Variants in WDR70 observed in about 807,000 individuals in gnomAD.
The protein encoded by WDR70 is WD repeat-containing protein 70.
WDR70 carries 53 observed loss-of-function variants against 88.6 expected under a neutral mutation model. The observed-to-expected ratio is 0.60, with a 90% CI of 0.48 to 0.75. The LOEUF is 0.75. WDR70 is among the 30% of genes least tolerant of loss of function. The probability of loss-of-function intolerance (pLI) is 0.00; values close to 1 mark genes in which losing one functional copy is unlikely to be tolerated. For synonymous variants in WDR70, 280 were observed against 270.0 expected (o/e 1.04, Z -0.36); for missense variants, 610 against 823.2 (o/e 0.74, Z 3.17).
intron 7 of WDR70, among the ~76,000 whole-genome samples, chr5:37,444,890 C>A (rs1424325478): frequency 6.6e-6 from 1 of 152,096 alleles, no homozygotes; most frequent in Admixed American, 6.6e-5. Context: ...CTAGAGATCC[C>A]TCACATGCGC....
rs990467989 is a variant in WDR70 at position 37,724,970 on chromosome 5, G to T, written c.1634G>T (p.Arg545Leu). The change falls in exon 16 of 18, where the codon CGG becomes CTG. Residue 545 changes from arginine (R) to leucine (L), a missense_variant. Arg to Leu is a moderately radical substitution (Grantham distance 102). Transcript: ENST00000265107. Reference sequence around the variant, plus strand: ...CCTATGTTCCGTGAGCCCCGCCAACGGAGTACAAGGAAACAGCTGGAGAAG... The same window carrying T: ...CCTATGTTCCGTGAGCCCCGCCAACTGAGTACAAGGAAACAGCTGGAGAAG... ...ALPMFREPRQ[R>L]STRKQLEKDR... is the part of the protein sequence containing the mutation. 6.2e-7 allele frequency: 1 copy of T among 1,613,618 alleles called. No individual in the cohort carries two copies. Among genetic ancestry groups the T allele is most frequent in the East Asian group, 2.2e-5 (1 of 44,858 alleles).
intron 5 of WDR70, among the ~76,000 whole-genome samples, chr5:37,409,346 T>G (rs1749451477): frequency 6.6e-6 from 1 of 152,130 alleles, no homozygotes; most frequent in Non-Finnish European, 1.5e-5. Flanking sequence ...AAGGGAAGAT[T>G]CCAAAAAACT....
At chr5:37,564,403 T>C (rs1474587161) in intron 9 of WDR70, among the ~76,000 whole-genome samples, 2 of 152,114 alleles carry the variant, frequency 1.3e-5, no homozygotes, top group African/African-American at 4.8e-5. Context: ...GGCTTGCGCC[T>C]GCAATCGCAG....
chr5:37,386,520 G>A (rs1748621888), intron 3 of WDR70, among the ~76,000 whole-genome samples: 1 of 152,028 alleles, frequency 6.6e-6, no homozygotes, highest in Non-Finnish European at 1.5e-5. Flanking sequence ...TAGAGACAGG[G>A]TTTCACCATG....
intron 5 of WDR70, among the ~76,000 whole-genome samples, chr5:37,397,415 GC>G (rs1016180867): frequency 8.0e-5 from 12 of 150,564 alleles, no homozygotes; most frequent in Non-Finnish European, 1.6e-4. Context: ...GTTGCAGTGA[GC>G]TGAGATTGTG....
At chr5:37,396,908 C>T (rs769932485) in intron 5 of WDR70, among the ~76,000 whole-genome samples, 6 of 152,152 alleles carry the variant, frequency 3.9e-5, no homozygotes, top group Non-Finnish European at 8.8e-5. Context: ...TTTGGGAGGC[C>T]GAGGTGGACG....
intron 8 of WDR70, among the ~76,000 whole-genome samples, chr5:37,503,009 A>G (rs1214129925): frequency 6.6e-6 from 1 of 152,128 alleles, no homozygotes; most frequent in African/African-American, 2.4e-5. Flanking sequence ...TATATCACAT[A>G]TATTGAACCA....
intron 11 of WDR70, 91 bp from the exon 12 acceptor site, chr5:37,700,967 T>C: frequency 2.7e-6 from 2 of 748,136 alleles, no homozygotes; most frequent in Non-Finnish European, 4.7e-6. Context: ...TTTACAGTTA[T>C]ACATTAAGTT....
chr5:37,686,542 C>G (rs1350289565), intron 10 of WDR70, among the ~76,000 whole-genome samples: 1 of 150,236 alleles, frequency 6.7e-6, no homozygotes, highest in Non-Finnish European at 1.5e-5. Context: ...AGCTGGGCAA[C>G]AAACTGAGAC....
At chr5:37,633,691 C>T (rs1744880697) in intron 10 of WDR70, among the ~76,000 whole-genome samples, 1 of 152,046 alleles carries the variant, frequency 6.6e-6, no homozygotes, top group Non-Finnish European at 1.5e-5. Flanking sequence ...ATATTTTAGA[C>T]ATTTCACTGA....
chr5:37,580,291 T>C (rs1280933860), intron 9 of WDR70, among the ~76,000 whole-genome samples: 1 of 152,228 alleles, frequency 6.6e-6, no homozygotes, highest in African/African-American at 2.4e-5. Flanking sequence ...TTCCTTTGTC[T>C]TTGGCCAACA....
intron 10 of WDR70, among the ~76,000 whole-genome samples, chr5:37,665,425 G>A (rs1331854763): frequency 6.6e-6 from 1 of 152,070 alleles, no homozygotes; most frequent in African/African-American, 2.4e-5. Context: ...ACAGCACATT[G>A]GTAATGTTTA....
intron 9 of WDR70, among the ~76,000 whole-genome samples, chr5:37,565,994 C>T (rs1388033234): frequency 6.6e-6 from 1 of 151,960 alleles, no homozygotes; most frequent in East Asian, 1.9e-4. Context: ...TAAAATTTAC[C>T]CTTTCAAGTA....
intron 10 of WDR70, among the ~76,000 whole-genome samples, chr5:37,645,139 G>T (rs1407657191): frequency 6.7e-6 from 1 of 149,284 alleles, no homozygotes; most frequent in African/African-American, 2.5e-5. Flanking sequence ...TGGTACTGCT[G>T]TTGCTGTATC....
At chr5:37,742,479 G>A (rs1748514660) in intron 17 of WDR70, among the ~76,000 whole-genome samples, 1 of 151,770 alleles carries the variant, frequency 6.6e-6, no homozygotes, top group South Asian at 2.1e-4. Flanking sequence ...ATATATTCTG[G>A]ATATTAATCC....
intron 10 of WDR70, among the ~76,000 whole-genome samples, chr5:37,617,840 A>T (rs1744388297): frequency 6.6e-6 from 1 of 152,220 alleles, no homozygotes; most frequent in Admixed American, 6.5e-5. Flanking sequence ...TGAAACATAT[A>T]CACTGCCTAG....
At chr5:37,422,847 G>C (rs1287633907) in intron 5 of WDR70, among the ~76,000 whole-genome samples, 1 of 151,696 alleles carries the variant, frequency 6.6e-6, no homozygotes, top group East Asian at 1.9e-4. Context: ...GGCTGGTCTC[G>C]AACTCCTGAG....
chr5:37,670,769 A>G (rs1164009774), intron 10 of WDR70, among the ~76,000 whole-genome samples: 1 of 152,224 alleles, frequency 6.6e-6, no homozygotes, highest in Non-Finnish European at 1.5e-5. Context: ...GAATGTCACA[A>G]AATCTATTAG....
chr5:37,609,456 A>G (rs1035923052), intron 10 of WDR70, among the ~76,000 whole-genome samples: 5 of 152,256 alleles, frequency 3.3e-5, no homozygotes, highest in African/African-American at 9.6e-5. Context: ...CTTGACTAAA[A>G]GAACATACTG....
Sources: gnomAD v4.1 joint callset for allele counts (sites outside exome capture counted in the v4.1 genomes callset) on GRCh38, gnomAD v4.1.1 for gene constraint, MANE v1.5 for transcripts, NCBI Gene and HGNC (gene_info 2026-07-23, HGNC 2026-07-21) for gene names.